CLIC5: variants seen among roughly 807,000 people sequenced by gnomAD.
CLIC5 encodes CLIC family member 5, also known as chloride intracellular channel protein 5.
A neutral mutation model predicts 24.7 loss-of-function variants in CLIC5; 20 were observed. The ratio of observed to expected loss-of-function variants is 0.81; its 90% CI spans 0.57 to 1.18. The LOEUF (loss-of-function observed/expected upper bound fraction) is 1.18. Ranked by LOEUF, CLIC5 falls within the 50% of genes most tolerant of loss-of-function variation. CLIC5 has a pLI of 0.00. For synonymous variants in CLIC5, 159 were observed against 135.6 expected (o/e 1.17, Z -1.20); for missense variants, 341 against 326.1 (o/e 1.05, Z -0.35).
upstream of CLIC5, among the ~76,000 whole-genome samples, chr6:46,084,836 G>A (rs933591474): frequency 2.6e-5 from 4 of 152,142 alleles, no homozygotes; most frequent in Non-Finnish European, 4.4e-5. Context: ...GCTAGATTGG[G>A]GAAGTTCTCC....
At chr6:46,096,149 C>T in the CLIC5 span, among the ~76,000 whole-genome samples, 3,342 of 152,224 alleles carry the variant, frequency 0.022, 128 homozygotes, top group African/African-American at 0.075. Flanking sequence ...AGGTGCCACA[C>T]ACTTTTAAGT....
the CLIC5 span, among the ~76,000 whole-genome samples, chr6:46,100,041 C>A: frequency 2.0e-5 from 3 of 151,402 alleles, no homozygotes; most frequent in Admixed American, 2.0e-4. Flanking sequence ...AAATTGCCAA[C>A]CAGTTTTCTT....
intron 1 of CLIC5, among the ~76,000 whole-genome samples, chr6:46,042,947 A>C (rs1767849343): frequency 6.6e-6 from 1 of 152,344 alleles, no homozygotes; most frequent in East Asian, 1.9e-4. Flanking sequence ...GGGCCAAGGC[A>C]CATGCTTCTG....
At chr6:46,002,628 G>A (rs115077462) in intron 1 of CLIC5, among the ~76,000 whole-genome samples, 2,348 of 152,304 alleles carry the variant, frequency 0.015, 69 homozygotes, top group African/African-American at 0.055. Flanking sequence ...TGCATCCATA[G>A]GTAGCCCATT....
chr6:45,924,951 T>A (rs1030056543), intron 4 of CLIC5, among the ~76,000 whole-genome samples: 1 of 152,144 alleles, frequency 6.6e-6, no homozygotes, highest in Non-Finnish European at 1.5e-5. Context: ...GGAATGCGGA[T>A]GTGATGTTTG....
intron 1 of CLIC5, among the ~76,000 whole-genome samples, chr6:46,022,078 A>T (rs1273260125): frequency 6.6e-6 from 1 of 152,224 alleles, no homozygotes; most frequent in African/African-American, 2.4e-5. Context: ...AGAGATTTCT[A>T]TTTTATGAGA....
intron 1 of CLIC5, among the ~76,000 whole-genome samples, chr6:46,012,116 T>C (rs1325244264): frequency 1.3e-5 from 2 of 152,260 alleles, no homozygotes; most frequent in Non-Finnish European, 2.9e-5. Context: ...CAAACTATCC[T>C]GGGTTATACC....
In CLIC5 at chr6:45,961,991, C is replaced by G. The variant is rs926775131; in HGVS notation, c.64-6747G>C. Among the ~76,000 whole-genome samples the G allele has an allele frequency of 2.0e-5, 3 of 151,386 alleles. No homozygotes were observed. In the South Asian group the frequency reaches 6.3e-4, roughly 32 times the overall value. ...TCTAGGTATATTGGTCAGAGTTCTCCAGAGACAGAACCAGCACAACATGTA... is the reference window on the plus strand; with the variant it reads ...TCTAGGTATATTGGTCAGAGTTCTCGAGAGACAGAACCAGCACAACATGTA... On this transcript the variant is annotated intron_variant, in intron 1 of 5. Transcript: ENST00000339561.
chr6:45,888,139 C>T (rs1215827454), intron 6 of CLIC5, among the ~76,000 whole-genome samples: 1 of 152,154 alleles, frequency 6.6e-6, no homozygotes, highest in Non-Finnish European at 1.5e-5. Context: ...CACAGCCTGC[C>T]CCTTCCCTGG....
At chr6:45,931,416 G>T (rs558777291) in intron 4 of CLIC5, among the ~76,000 whole-genome samples, 1 of 152,176 alleles carries the variant, frequency 6.6e-6, no homozygotes, top group East Asian at 1.9e-4. Flanking sequence ...TTCCAACAGG[G>T]CAGCTCAAGG....
At chr6:46,054,966 C>CT (rs1438079380) in intron 1 of CLIC5, among the ~76,000 whole-genome samples, 3 of 152,188 alleles carry the variant, frequency 2.0e-5, no homozygotes, top group Non-Finnish European at 4.4e-5. Flanking sequence ...ACAAAGGGTC[C>CT]TTTTTTGCTA....
intron 1 of CLIC5, among the ~76,000 whole-genome samples, chr6:45,974,528 G>T (rs368041462): frequency 0.28 from 12,682 of 45,994 alleles, 528 homozygotes; most frequent in Non-Finnish European, 0.3. Context: ...TATATAGAGA[G>T]AGAGAGAGAG....
At chr6:45,946,482 A>G (rs968587616) in intron 3 of CLIC5, among the ~76,000 whole-genome samples, 11 of 152,218 alleles carry the variant, frequency 7.2e-5, no homozygotes, top group Non-Finnish European at 1.5e-5. Context: ...AGCCTCCCAT[A>G]ATGTGTTGGC....
At chr6:45,964,070 T>C (rs1050757000) in intron 1 of CLIC5, among the ~76,000 whole-genome samples, 4 of 152,218 alleles carry the variant, frequency 2.6e-5, no homozygotes, top group African/African-American at 7.2e-5. Context: ...GGTTCTCATA[T>C]GTTAATATTA....
intron 1 of CLIC5, among the ~76,000 whole-genome samples, chr6:45,959,359 T>A (rs1369566181): frequency 2.0e-5 from 3 of 152,204 alleles, no homozygotes; most frequent in South Asian, 2.1e-4. Flanking sequence ...TCTATTAACA[T>A]ACACAACATC....
At chr6:45,893,821 C>T (rs547685247), downstream of CLIC5, among the ~76,000 whole-genome samples, 3 of 152,266 alleles carry the variant, frequency 2.0e-5, no homozygotes, top group East Asian at 5.8e-4. Flanking sequence ...GTGGTATACA[C>T]TGGGTTTGAC....
chr6:46,030,187 C>T (rs1378821190), intron 1 of CLIC5, among the ~76,000 whole-genome samples: 2 of 152,158 alleles, frequency 1.3e-5, no homozygotes, highest in African/African-American at 4.8e-5. Flanking sequence ...TAGTGCACTA[C>T]CAATTTCTTC....
At chr6:45,908,402 G>C (rs942365880) in intron 5 of CLIC5, among the ~76,000 whole-genome samples, 1 of 152,084 alleles carries the variant, frequency 6.6e-6, no homozygotes, top group Non-Finnish European at 1.5e-5. Flanking sequence ...TTTTGAGGTA[G>C]GCATTTCGTG....
intron 1 of CLIC5, among the ~76,000 whole-genome samples, chr6:45,974,217 C>G (rs185844909): frequency 4.2e-4 from 64 of 151,546 alleles, no homozygotes; most frequent in Non-Finnish European, 8.2e-4. Context: ...GGGTTTCTGT[C>G]CTTATGCTCC....
Sources: gnomAD v4.1 joint callset for allele counts (sites outside exome capture counted in the v4.1 genomes callset) on GRCh38, gnomAD v4.1.1 for gene constraint, MANE v1.5 for transcripts, NCBI Gene and HGNC (gene_info 2026-07-23, HGNC 2026-07-21) for gene names.